MBP: variants seen among roughly 807,000 people sequenced by gnomAD.
The protein encoded by MBP is Golli-MBP.
Under a neutral mutation model 35.8 loss-of-function variants are expected in MBP, and 16 were observed. That is an observed-to-expected ratio of 0.45 (90% confidence interval 0.30 to 0.68). The LOEUF is 0.68. Ranked by LOEUF, MBP falls within the 30% of genes least tolerant of loss-of-function variation. The probability of loss-of-function intolerance (pLI) is 0.08; values close to 1 mark genes in which losing one functional copy is unlikely to be tolerated. For missense variants in MBP, 380 were observed against 404.7 expected (o/e 0.94, Z 0.52); for synonymous variants, 143 against 159.6 (o/e 0.90, Z 0.78).
chr18:77,043,512 T>C (rs561434694), intron 3 of MBP, among the ~76,000 whole-genome samples: 1 of 152,314 alleles, frequency 6.6e-6, no homozygotes, highest in Admixed American at 6.5e-5. Flanking sequence ...CCCTGTGGGG[T>C]AGCTCTGCTG....
At chr18:77,062,424 A>T (rs1317830147) in intron 3 of MBP, among the ~76,000 whole-genome samples, 3 of 151,892 alleles carry the variant, frequency 2.0e-5, no homozygotes, top group Non-Finnish European at 2.9e-5. Flanking sequence ...GACAACGCCC[A>T]GTTCTCTAGG....
chr18:77,116,699 A>G (rs1173644141), intron 1 of MBP, among the ~76,000 whole-genome samples: 1 of 152,198 alleles, frequency 6.6e-6, no homozygotes, highest in Non-Finnish European at 1.5e-5. Context: ...TCTCTGCTAA[A>G]AATACAAAAC....
intron 3 of MBP, among the ~76,000 whole-genome samples, chr18:77,036,430 C>T (rs899939845): frequency 7.5e-6 from 1 of 133,600 alleles, no homozygotes; most frequent in African/African-American, 3.1e-5. Context: ...AAGTGCTGGT[C>T]ACATTTTGGA....
chr18:77,048,604 C>T (rs990236198), intron 3 of MBP, among the ~76,000 whole-genome samples: 7 of 151,998 alleles, frequency 4.6e-5, no homozygotes, highest in Non-Finnish European at 8.8e-5. Flanking sequence ...CCTAGGATTA[C>T]AGGTGCCCGC....
At chr18:77,084,665 T>C (rs774378410) in intron 2 of MBP, among the ~76,000 whole-genome samples, 1 of 152,212 alleles carries the variant, frequency 6.6e-6, no homozygotes, top group Non-Finnish European at 1.5e-5. Flanking sequence ...GTATTCCCAT[T>C]GCAATGCAAT....
intron 7 of MBP, 183 bp from the exon 8 acceptor site, chr18:76,985,077 C>G (rs1473536561): frequency 1.3e-6 from 2 of 1,507,272 alleles, no homozygotes; most frequent in East Asian, 2.4e-5. Context: ...GCTGCTCCCC[C>G]AGGTCTACCA....
At chr18:77,041,780 G>A (rs1461314598) in intron 3 of MBP, among the ~76,000 whole-genome samples, 2 of 119,690 alleles carry the variant, frequency 1.7e-5, no homozygotes, top group East Asian at 2.9e-4. Flanking sequence ...ACCTGTTGTG[G>A]GGTGGGGGGA....
At chr18:76,997,728 G>GCCGGA (rs1970359874) in intron 4 of MBP, among the ~76,000 whole-genome samples, 1 of 151,324 alleles carries the variant, frequency 6.6e-6, no homozygotes. Flanking sequence ...TGTCCCCCAG[G>GCCGGA]CTGGAGTGCA....
At chr18:77,041,677 C>G (rs542305020) in intron 3 of MBP, among the ~76,000 whole-genome samples, 2 of 150,440 alleles carry the variant, frequency 1.3e-5, no homozygotes, top group South Asian at 4.2e-4. Context: ...CTATCACAAG[C>G]ACAAAAAACC....
At chr18:77,049,428 T>C (rs1278197973) in intron 3 of MBP, among the ~76,000 whole-genome samples, 1 of 152,246 alleles carries the variant, frequency 6.6e-6, no homozygotes, top group Non-Finnish European at 1.5e-5. Flanking sequence ...TCTGTTTCTT[T>C]TGGAATTTCT....
intron 7 of MBP, chr18:76,985,257 G>A: frequency 7.4e-7 from 1 of 1,342,452 alleles, no homozygotes; most frequent in South Asian, 1.2e-5. Flanking sequence ...GCAAATCAAG[G>A]TAAGGAGGCT....
At chr18:77,038,965 C>T (rs1429706347) in intron 3 of MBP, among the ~76,000 whole-genome samples, 3 of 152,158 alleles carry the variant, frequency 2.0e-5, no homozygotes, top group African/African-American at 4.8e-5. Context: ...CCAAATCTGG[C>T]CCATATGTTT....
chr18:77,111,986 C>A (rs142657980), intron 1 of MBP, among the ~76,000 whole-genome samples: 1 of 152,136 alleles, frequency 6.6e-6, no homozygotes, highest in Non-Finnish European at 1.5e-5. Flanking sequence ...CTCTCTCCCC[C>A]GACGTCCCTC....
chr18:77,120,916 C>T (rs551719153), intron 1 of MBP, among the ~76,000 whole-genome samples: 8 of 152,270 alleles, frequency 5.3e-5, no homozygotes, highest in East Asian at 1.9e-4. Context: ...ACAAAAATAC[C>T]GCCAGGACCT....
At chr18:77,017,312 G>T in intron 3 of MBP, 44 bp from the exon 4 acceptor site, 1 of 1,472,634 alleles carries the variant, frequency 6.8e-7, no homozygotes, top group South Asian at 1.5e-5. Flanking sequence ...GTGCAAAGCT[G>T]AGCACCGGAC....
chr18:77,069,070 G>T (rs1974323829), intron 2 of MBP: 1 of 461,546 alleles, frequency 2.2e-6, no homozygotes. Flanking sequence ...GAAACTCCCA[G>T]AACAGTCCAT....
chr18:77,015,133 A>C, intron 4 of MBP: 1 of 984,112 alleles, frequency 1.0e-6, no homozygotes, highest in Non-Finnish European at 1.2e-6. Flanking sequence ...TATTGTTTTG[A>C]GATAAAGTCA....
chr18:77,002,618 C>T (rs776808707), intron 4 of MBP, among the ~76,000 whole-genome samples: 13 of 152,248 alleles, frequency 8.5e-5, no homozygotes, highest in Admixed American at 1.3e-4. Flanking sequence ...ACTGCTCCCA[C>T]GTCACCACTC....
intron 4 of MBP, among the ~76,000 whole-genome samples, chr18:76,991,611 T>C (rs1177751910): frequency 6.6e-6 from 1 of 152,050 alleles, no homozygotes; most frequent in East Asian, 1.9e-4. Flanking sequence ...TTTTGTCAGT[T>C]TTCCCCTCGC....
Sources: allele counts gnomAD v4.1 joint callset (sites outside exome capture counted in the v4.1 genomes callset), GRCh38; gene constraint gnomAD v4.1.1; transcripts MANE v1.5; gene names NCBI Gene and HGNC (gene_info 2026-07-23, HGNC 2026-07-21).